Variants in MPDZ observed in about 807,000 individuals in gnomAD.
MPDZ encodes multiple PDZ domain crumbs cell polarity complex component.
A neutral mutation model predicts 239.1 loss-of-function variants in MPDZ; 234 were observed. The observed-to-expected ratio is 0.98, with a 90% CI of 0.88 to 1.09. The LOEUF (loss-of-function observed/expected upper bound fraction) is 1.09, where lower values mean the gene tolerates loss of function less well. Among genes scored for constraint, MPDZ ranks in the 50% least tolerant of loss-of-function variants. MPDZ has a pLI of 0.00. For missense variants in MPDZ, 3,175 were observed against 2,510.0 expected, an observed-to-expected ratio of 1.26 and a Z score of -5.66; for synonymous variants, 1,048 against 881.3, an observed-to-expected ratio of 1.19 and a Z score of -3.35.
At position 13,255,029 on chromosome 9, in the gene MPDZ, G is replaced by A. The variant is rs183178546; in HGVS notation, c.-57-4657C>T. 6.0e-4 allele frequency among the ~76,000 whole-genome samples: 91 copies of A among 152,302 alleles called. 1 individual carries two copies. The highest frequency in any genetic ancestry group is 1.8e-3 in the African/African-American group (76 of 41,556). Reference sequence around the variant, plus strand: ...GTTTGACAGCATTTTACCCACAATAGAACCTCTCAAATCCTGCTCCTACTT... The same window carrying A: ...GTTTGACAGCATTTTACCCACAATAAAACCTCTCAAATCCTGCTCCTACTT... On this transcript the variant is annotated intron_variant, in intron 1 of 46. Coordinates refer to ENST00000319217, the MANE Select transcript of MPDZ (RefSeq NM_001378778.1).
intron 43 of MPDZ, among the ~76,000 whole-genome samples, chr9:13,111,398 C>G (rs1441314169): frequency 6.6e-6 from 1 of 152,182 alleles, no homozygotes; most frequent in Non-Finnish European, 1.5e-5. Context: ...ACTATTTAAA[C>G]TAAAATGTGG....
chr9:13,175,498 T>C (rs1052021863), intron 21 of MPDZ, among the ~76,000 whole-genome samples: 1 of 152,218 alleles, frequency 6.6e-6, no homozygotes, highest in Non-Finnish European at 1.5e-5. Context: ...ACAATTCATA[T>C]ATCTTTTACT....
chr9:13,134,651 C>T (rs1373929193), intron 31 of MPDZ: 6 of 152,106 alleles, frequency 3.9e-5, no homozygotes, highest in Non-Finnish European at 5.9e-5. Context: ...CAAAGCTTTC[C>T]TAAATCAAAA....
chr9:13,107,036 C>T lies in MPDZ; in HGVS notation c.6142G>A (p.Val2048Ile). ...ATGGCAACAGCTTCTTCATGGGTGA[C>T]TCCTTCTAGACTCTGCCCATTGACA... The part of the protein sequence containing the change: ...IAVNGQSLEG[V>I]THEEAVAILK... Residue 2048 changes from valine (V) to isoleucine (I), a missense_variant, in exon 47 of 47, where the codon GTC becomes ATC. Transcript: ENST00000319217. 1.2e-6 allele frequency: 2 copies of T among 1,613,178 alleles called. No homozygotes were observed. The highest frequency in any genetic ancestry group is 1.7e-6 in the Non-Finnish European group (2 of 1,179,302).
chr9:13,274,937 A>C (rs1973837142), intron 1 of MPDZ, among the ~76,000 whole-genome samples: 1 of 152,244 alleles, frequency 6.6e-6, no homozygotes, highest in Non-Finnish European at 1.5e-5. Flanking sequence ...TTAAAAAAAA[A>C]ATTAATGCTC....
intron 1 of MPDZ, among the ~76,000 whole-genome samples, chr9:13,252,983 G>C (rs1000577652): frequency 1.3e-5 from 2 of 152,066 alleles, no homozygotes; most frequent in Non-Finnish European, 2.9e-5. Flanking sequence ...GTTTTGAAAG[G>C]ATAAAATTAT....
chr9:13,268,495 G>A (rs1972271210), intron 1 of MPDZ, among the ~76,000 whole-genome samples: 1 of 152,106 alleles, frequency 6.6e-6, no homozygotes, highest in Admixed American at 6.5e-5. Flanking sequence ...AGAAGAATGA[G>A]GATAACTATC....
chr9:13,236,691 A>C (rs1964131143), intron 3 of MPDZ, among the ~76,000 whole-genome samples: 1 of 152,150 alleles, frequency 6.6e-6, no homozygotes, highest in East Asian at 1.9e-4. Flanking sequence ...CACTTCCCCA[A>C]ATTTCATAAA....
intron 12 of MPDZ, among the ~76,000 whole-genome samples, chr9:13,203,443 C>A (rs1396736537): frequency 2.6e-5 from 4 of 152,102 alleles, no homozygotes; most frequent in Admixed American, 6.6e-5. Flanking sequence ...AGCAGAACAA[C>A]TCTCCATTCT....
At chr9:13,121,516 C>T (rs965986696) in intron 38 of MPDZ, among the ~76,000 whole-genome samples, 4 of 152,176 alleles carry the variant, frequency 2.6e-5, no homozygotes, top group African/African-American at 9.7e-5. Flanking sequence ...CTCAAAAATA[C>T]ACCAAATGAC....
At chr9:13,120,612 A>G (rs938759394) in intron 38 of MPDZ, 1 of 152,228 alleles carries the variant, frequency 6.6e-6, no homozygotes, top group African/African-American at 2.4e-5. Flanking sequence ...ATAATATGCT[A>G]AATTCTTTCT....
At chr9:13,268,413 A>T (rs1430838858) in intron 1 of MPDZ, among the ~76,000 whole-genome samples, 1 of 152,128 alleles carries the variant, frequency 6.6e-6, no homozygotes, top group Non-Finnish European at 1.5e-5. Context: ...TTTTTCAGAC[A>T]ACCACCCCAA....
intron 35 of MPDZ, 96 bp from the exon 36 acceptor site, chr9:13,123,394 G>A: frequency 9.9e-7 from 1 of 1,006,488 alleles, no homozygotes. Context: ...GGATGGGGCA[G>A]AGAAATGGGC....
intron 1 of MPDZ, among the ~76,000 whole-genome samples, chr9:13,277,346 G>A (rs1974458800): frequency 6.6e-6 from 1 of 152,074 alleles, no homozygotes; most frequent in Middle Eastern, 3.2e-3. Context: ...AAGAAATAAG[G>A]TACACCATAA....
At chr9:13,198,859 A>C (rs1956034331) in intron 12 of MPDZ, among the ~76,000 whole-genome samples, 1 of 149,770 alleles carries the variant, frequency 6.7e-6, no homozygotes. Context: ...TTTGCTCTAG[A>C]CTGCTTTGGC....
chr9:13,147,586 C>T lies in MPDZ; in HGVS notation c.3703G>A (p.Val1235Ile). 1 of 1,612,388 alleles carries T rather than the reference C, an allele frequency of 6.2e-7. No individual in the cohort carries two copies. The highest frequency in any genetic ancestry group is 8.5e-7 in the Non-Finnish European group (1 of 1,178,822). The stretch of plus-strand genomic sequence containing the variant: ...ATAATGCTCTGTACCATAAAGACTA[C>T]AGGGTTGCCTGCTTTCCGAATGGCT... ...VEAIRKAGNP[V>I]VFMVQSIINR... Residue 1235 changes from valine to isoleucine, a missense_variant, in exon 26 of 47, where the codon GTA (valine) becomes ATA (isoleucine). Physicochemically the swap from Val to Ile is conservative, Grantham distance 29. Coordinates refer to ENST00000319217, the MANE Select transcript of MPDZ (RefSeq NM_001378778.1).
intron 3 of MPDZ, among the ~76,000 whole-genome samples, chr9:13,230,171 T>G (rs1040773291): frequency 6.6e-6 from 1 of 152,136 alleles, no homozygotes; most frequent in Non-Finnish European, 1.5e-5. Flanking sequence ...GGTGAGGATG[T>G]AGAGAAGCTG....
At chr9:13,234,339 C>A (rs1159570603) in intron 3 of MPDZ, among the ~76,000 whole-genome samples, 1 of 151,890 alleles carries the variant, frequency 6.6e-6, no homozygotes, top group Non-Finnish European at 1.5e-5. Context: ...TTCATCTATT[C>A]CTTCTGAGTT....
At chr9:13,175,632 G>A in intron 21 of MPDZ, 120 bp downstream of exon 21, 3 of 1,067,596 alleles carry the variant, frequency 2.8e-6, no homozygotes, top group African/African-American at 1.6e-5. Context: ...AAAACTACAG[G>A]AAAATTTCTA....
Sources: gnomAD v4.1 joint callset for allele counts (sites outside exome capture counted in the v4.1 genomes callset) on GRCh38, gnomAD v4.1.1 for gene constraint, MANE v1.5 for transcripts, NCBI Gene and HGNC (gene_info 2026-07-23, HGNC 2026-07-21) for gene names.